FOXA2: variants seen among roughly 807,000 people sequenced by gnomAD.
The protein encoded by FOXA2 is hepatocyte nuclear factor 3-beta.
A neutral mutation model predicts 33.3 loss-of-function variants in FOXA2; 9 were observed. That is an observed-to-expected ratio of 0.27 (90% CI 0.16 to 0.47). FOXA2 has a LOEUF of 0.47. Ranked by LOEUF, FOXA2 falls within the 20% of genes least tolerant of loss-of-function variation. The pLI is 0.99. For synonymous variants in FOXA2, 329 were observed against 289.4 expected, an observed-to-expected ratio of 1.14 and a Z score of -1.39; for missense variants, 704 against 659.9, an observed-to-expected ratio of 1.07 and a Z score of -0.73.
intron 1 of FOXA2, among the ~76,000 whole-genome samples, 181 bp from the exon 2 acceptor site, chr20:22,583,335 C>A (rs1259632429): frequency 1.3e-5 from 2 of 152,208 alleles, no homozygotes; most frequent in African/African-American, 4.8e-5. Flanking sequence ...CATGATCGAT[C>A]GCCCTTGGGA....
At chr20:22,583,772 C>T (rs1984671177) in intron 1 of FOXA2, among the ~76,000 whole-genome samples, 1 of 152,150 alleles carries the variant, frequency 6.6e-6, no homozygotes, top group African/African-American at 2.4e-5. Context: ...GCTTTGCAGG[C>T]AAAAACTTTC....
Position 22,582,139 on chromosome 20 carries a change from G to T in FOXA2, c.1103C>A (p.Ala368Asp). Reference sequence around the variant, plus strand: ...GTAGTGGTGTTCCGGCTTCAGGTGGGCCTCAGGCGGCAGGCCCGGGTGGTG... The same window carrying T: ...GTAGTGGTGTTCCGGCTTCAGGTGGTCCTCAGGCGGCAGGCCCGGGTGGTG... Reference protein sequence around the residue: ...PPHHPGLPPEAHLKPEHHYAF... With the variant: ...PPHHPGLPPEDHLKPEHHYAF... The change falls in exon 2 of 2, where the codon GCC (alanine) becomes GAC (aspartate). Residue 368 changes from alanine (A) to aspartate (D), a missense_variant. Transcript: ENST00000419308. 2 of 1,577,894 alleles carry T rather than the reference G, an allele frequency of 1.3e-6. No individual in the cohort carries two copies. The highest frequency in any genetic ancestry group is 1.7e-6 in the Non-Finnish European group (2 of 1,161,318).
chr20:22,583,718 G>T (rs974796582), intron 1 of FOXA2, among the ~76,000 whole-genome samples: 1 of 152,194 alleles, frequency 6.6e-6, no homozygotes, highest in Non-Finnish European at 1.5e-5. Flanking sequence ...GGCACTGAAC[G>T]GGGCAATAGG....
rs1984645308 is a variant in FOXA2 at position 22,583,091 on chromosome 20, T to C, written c.151A>G (p.Ser51Gly). 6.2e-7 allele frequency: 1 copy of C among 1,609,200 alleles called. No individual in the cohort carries two copies. The highest frequency in any genetic ancestry group is 8.5e-7 in the Non-Finnish European group (1 of 1,179,848). ...LGMNGMNTYM[S>G]MSAAAMGSGS... ...CTGCCCATGGCGGCCGCCGACATGC[T>C]CATGTACGTGTTCATGCCGTTCATC... Residue 51 changes from serine (S) to glycine (G), a missense_variant, in exon 2 of 2, where the codon AGC becomes GGC. Coordinates refer to ENST00000419308, the MANE Select transcript of FOXA2 (RefSeq NM_021784.5).
At position 22,584,421 on chromosome 20, in the gene FOXA2, C is replaced by T. The variant is rs1042136030; in HGVS notation, c.-143G>A. The T allele has an allele frequency of 5.7e-6, 4 of 700,762 alleles. No individual in the cohort carries two copies. The highest frequency in any genetic ancestry group is 5.3e-5 in the African/African-American group (3 of 56,906). 43.4% of individuals were successfully genotyped at this position (700,762 alleles called of 1,614,324 possible). On this transcript the variant is annotated 5_prime_UTR_variant, in exon 1 of 2. Coordinates refer to ENST00000419308, the MANE Select transcript of FOXA2 (RefSeq NM_021784.5). ...CCTCTCCCTGGGCTCCACTCCCTCT[C>T]TCTCCCTGGGCAGGCCGGAGGCGGT...
rs1334454486 is a variant in FOXA2 at position 22,584,177 on chromosome 20, A to G, written c.87+15T>C. On this transcript the variant is annotated intron_variant, in intron 1 of 1. Transcript: ENST00000419308. ...GCCGCCGCTCCACTTCCCCCTGGAA[A>G]AGACGAGCGCTTACCTCGGGCTCTG... 4.5e-5 allele frequency: 72 copies of G among 1,612,524 alleles called. No homozygotes were observed. The highest frequency in any genetic ancestry group is 5.9e-5 in the Non-Finnish European group (70 of 1,179,512).
chr20:22,584,181 C>T lies in FOXA2; in HGVS notation c.87+11G>A. 1 of 1,612,876 alleles carries T rather than the reference C, an allele frequency of 6.2e-7. No individual in the cohort carries two copies. The highest frequency in any genetic ancestry group is 2.2e-5 in the East Asian group (1 of 44,832). On this transcript the variant is annotated intron_variant, in intron 1 of 1. Transcript: ENST00000419308. Reference sequence around the variant, plus strand: ...CCGCTCCACTTCCCCCTGGAAAAGACGAGCGCTTACCTCGGGCTCTGCATA... The same window carrying T: ...CCGCTCCACTTCCCCCTGGAAAAGATGAGCGCTTACCTCGGGCTCTGCATA...
Position 22,581,711 on chromosome 20 carries a change from T to G in FOXA2, c.*139A>C. ...GAAGAAGACTGCTGTCTTGGGGGTGTTGGGGTGGGGGTGTTATGGATTTCT... is the reference window on the plus strand; with the variant it reads ...GAAGAAGACTGCTGTCTTGGGGGTGGTGGGGTGGGGGTGTTATGGATTTCT... On this transcript the variant is annotated 3_prime_UTR_variant, in exon 2 of 2. Transcript: ENST00000419308. The G allele has an allele frequency of 1.3e-6, 1 of 768,204 alleles. No homozygotes were observed. Among genetic ancestry groups the G allele is most frequent in the Non-Finnish European group, 2.2e-6 (1 of 459,026 alleles). 47.6% of individuals were successfully genotyped at this position (768,204 alleles called of 1,614,324 possible).
Position 22,581,778 on chromosome 20 carries a change from A to AC in FOXA2, c.*71dup. ...GCAACACCGTCTCCCCAAAGTCTCG[A>AC]CCCCCACTTGCTCTCTCACTTGTCC... is the stretch of plus-strand genomic sequence containing the variant. On this transcript the variant is annotated 3_prime_UTR_variant, in exon 2 of 2. Coordinates refer to ENST00000419308, the MANE Select transcript of FOXA2 (RefSeq NM_021784.5). 1 of 1,449,216 alleles carries AC rather than the reference A, an allele frequency of 6.9e-7. No individual in the cohort carries two copies. The allele number at this position is 1,449,216 out of a possible 1,614,324, so 89.8% of individuals were successfully genotyped here.
upstream of FOXA2, among the ~76,000 whole-genome samples, chr20:22,585,051 T>C (rs1230037576): frequency 2.6e-5 from 4 of 152,140 alleles, no homozygotes; most frequent in African/African-American, 9.6e-5. Context: ...AACCACCCTC[T>C]GGGGCGGCTC....
At position 22,582,462 on chromosome 20, in the gene FOXA2, G is replaced by T; in HGVS notation, c.780C>A (p.Arg260=). Residue 260 remains arginine (R), a synonymous_variant, in exon 2 of 2, where the codon CGC becomes CGA. Transcript: ENST00000419308. ...GCGCCAGCTGCTTCTCGCACTTGAA[G>T]CGCTTCTGGCGGCGCAGGTAGCAGC... ...ENGCYLRRQK[R]FKCEKQLALK... 1 of 1,613,026 alleles carries T rather than the reference G, an allele frequency of 6.2e-7. No individual in the cohort carries two copies. The highest frequency in any genetic ancestry group is 8.5e-7 in the Non-Finnish European group (1 of 1,179,686).
rs1470599644 is a variant in FOXA2 at position 22,582,154 on chromosome 20, C to A, written c.1088G>T (p.Gly363Val). Residue 363 changes from glycine (G) to valine (V), a missense_variant, in exon 2 of 2, where the codon GGC becomes GTC. Physicochemically the swap from Gly to Val is moderately radical, Grantham distance 109. Coordinates refer to ENST00000419308, the MANE Select transcript of FOXA2 (RefSeq NM_021784.5). ...AHLLGPPHHP[G>V]LPPEAHLKPE... ...CTTCAGGTGGGCCTCAGGCGGCAGG[C>A]CCGGGTGGTGGGGCGGGCCCAGCAG... is the stretch of plus-strand genomic sequence containing the variant. 1 of 1,567,072 alleles carries A rather than the reference C, an allele frequency of 6.4e-7. No individual in the cohort carries two copies.
At chr20:22,583,857 C>T (rs1272904684) in intron 1 of FOXA2, among the ~76,000 whole-genome samples, 1 of 152,124 alleles carries the variant, frequency 6.6e-6, no homozygotes, top group East Asian at 1.9e-4. Context: ...TCCTCCTCAG[C>T]TCCCCACCCC....
chr20:22,582,870 G>T lies in FOXA2; in HGVS notation c.372C>A (p.Ala124=), dbSNP rs757587272. 1 of 1,578,666 alleles carries T rather than the reference G, an allele frequency of 6.3e-7. No homozygotes were observed. The highest frequency in any genetic ancestry group is 8.6e-7 in the Non-Finnish European group (1 of 1,164,620). The part of the protein sequence containing the change: ...PSLSPLGGQA[A]GAMGGLAPYA... ...AGGGGGCCAGGCCGCCCATGGCCCC[G>T]GCCGCCTGCCCCCCGAGCGGGCTCA... is the stretch of plus-strand genomic sequence containing the variant. The change falls in exon 2 of 2, where the codon GCC becomes GCA. Residue 124 remains alanine, a synonymous_variant. Transcript: ENST00000419308.
intron 1 of FOXA2, 54 bp downstream of exon 1, chr20:22,584,138 G>T: frequency 6.4e-7 from 1 of 1,562,330 alleles, no homozygotes; most frequent in Non-Finnish European, 8.8e-7. Context: ...CCTGAGGTTG[G>T]GGAAGGAGCG....
intron 1 of FOXA2, among the ~76,000 whole-genome samples, chr20:22,583,872 C>T (rs1191437283): frequency 6.6e-6 from 1 of 152,100 alleles, no homozygotes; most frequent in African/African-American, 2.4e-5. Flanking sequence ...CACCCCCTCG[C>T]CGGCCGACCT....
Position 22,584,499 on chromosome 20 carries a change from C to A in FOXA2, c.-221G>T, listed in dbSNP as rs1279004771. 2 of 562,140 alleles carry A rather than the reference C, an allele frequency of 3.6e-6. No homozygotes were observed. Among genetic ancestry groups the A allele is most frequent in the Non-Finnish European group, 6.4e-6 (2 of 313,922 alleles). The allele number at this position is 562,140 out of a possible 1,614,324, so 34.8% of individuals were successfully genotyped here. On this transcript the variant is annotated 5_prime_UTR_variant, in exon 1 of 2. Coordinates refer to ENST00000419308, the MANE Select transcript of FOXA2 (RefSeq NM_021784.5). The stretch of plus-strand genomic sequence containing the variant: ...GGGCGAGGAGCGGAGGAGGCCCAGG[C>A]CAGCGCCCCGCGGTAGGGAGCACCC...
rs749146776 is a variant in FOXA2 at position 22,582,207 on chromosome 20, G to T, written c.1035C>A (p.Pro345=). The change falls in exon 2 of 2, where the codon CCC becomes CCA. Residue 345 remains proline (P), a synonymous_variant. Coordinates refer to ENST00000419308, the MANE Select transcript of FOXA2 (RefSeq NM_021784.5). ...ALSPPEPAPS[P]GQQQQAAAHL... is the part of the protein sequence containing the mutation. ...GGGCCGCGGCCTGCTGCTGCTGCCC[G>T]GGAGAGGGCGCCGGCTCTGGGGGGC... is the stretch of plus-strand genomic sequence containing the variant. The T allele has an allele frequency of 1.3e-6, 2 of 1,545,666 alleles. No homozygotes were observed. The highest frequency in any genetic ancestry group is 2.0e-5 in the Admixed American group (1 of 50,756).
rs751798478 is a variant in FOXA2 at position 22,583,090 on chromosome 20, C to T, written c.152G>A (p.Ser51Asn). 17 of 1,609,168 alleles carry T rather than the reference C, an allele frequency of 1.1e-5. No individual in the cohort carries two copies. The highest frequency in any genetic ancestry group is 1.1e-5 in the Non-Finnish European group (13 of 1,179,876). Residue 51 changes from serine to asparagine, a missense_variant, in exon 2 of 2, where the codon AGC becomes AAC. This residue lies in a region of FOXA2 where 304 missense variants were observed against 251.7 expected (regional missense o/e 1.21). Coordinates refer to ENST00000419308, the MANE Select transcript of FOXA2 (RefSeq NM_021784.5). ...LGMNGMNTYM[S>N]MSAAAMGSGS... ...GCTGCCCATGGCGGCCGCCGACATG[C>T]TCATGTACGTGTTCATGCCGTTCAT...
Sources: allele counts gnomAD v4.1 joint callset (sites outside exome capture counted in the v4.1 genomes callset), GRCh38; gene constraint gnomAD v4.1.1; regional missense constraint gnomAD v4.1.1; transcripts MANE v1.5; gene names NCBI Gene and HGNC (gene_info 2026-07-23, HGNC 2026-07-21).